Variants in FARS2 observed in about 807,000 individuals in gnomAD.
FARS2 encodes phenylalanyl-tRNA synthetase 2, mitochondrial.
Under a neutral mutation model 46.4 loss-of-function variants are expected in FARS2, and 40 were observed. That is an observed-to-expected ratio of 0.86 (90% CI 0.67 to 1.12). The LOEUF (loss-of-function observed/expected upper bound fraction) is 1.12, where lower values mean the gene tolerates loss of function less well. Among genes scored for constraint, FARS2 ranks in the 50% most tolerant of loss-of-function variants. The pLI, the probability that FARS2 is intolerant of heterozygous loss-of-function variation, is 0.00. For synonymous variants in FARS2, 234 were observed against 214.9 expected (o/e 1.09, Z -0.78); for missense variants, 513 against 567.9 (o/e 0.90, Z 0.98).
intron 2 of FARS2, among the ~76,000 whole-genome samples, chr6:5,384,006 A>G (rs1338868672): frequency 1.3e-5 from 2 of 152,192 alleles, no homozygotes; most frequent in Non-Finnish European, 2.9e-5. Context: ...GAGAGATCAT[A>G]ATTTTAAAGT....
At chr6:5,510,093 A>G (rs563447256) in intron 4 of FARS2, among the ~76,000 whole-genome samples, 1 of 152,268 alleles carries the variant, frequency 6.6e-6, no homozygotes, top group African/African-American at 2.4e-5. Context: ...TAGGACAACC[A>G]AAGGCTGGGG....
intron 5 of FARS2, chr6:5,609,359 C>G (rs1446777849): frequency 1.2e-5 from 15 of 1,246,638 alleles, no homozygotes; most frequent in Non-Finnish European, 1.6e-5. Flanking sequence ...AGTTTCCTCC[C>G]TTCATGGGTC....
chr6:5,405,490 T>TTTTTTTTTTTTA, intron 3 of FARS2, among the ~76,000 whole-genome samples: 1 of 130,182 alleles, frequency 7.7e-6, no homozygotes. Flanking sequence ...CTTTTTTTTT[T>TTTTTTTTTTTTA]TTTTTTTTTT....
intron 1 of FARS2, among the ~76,000 whole-genome samples, chr6:5,319,612 T>C (rs898178871): frequency 6.6e-5 from 10 of 152,236 alleles, no homozygotes; most frequent in African/African-American, 2.4e-4. Flanking sequence ...CTTTACTTCC[T>C]TCTGTTCCTG....
chr6:5,615,249 C>T (rs1775411083), intron 6 of FARS2, among the ~76,000 whole-genome samples: 1 of 152,086 alleles, frequency 6.6e-6, no homozygotes, highest in African/African-American at 2.4e-5. Flanking sequence ...CATAAGTAGG[C>T]TCTCCTTTGT....
At chr6:5,340,249 C>G (rs533229755) in intron 1 of FARS2, among the ~76,000 whole-genome samples, 1 of 152,190 alleles carries the variant, frequency 6.6e-6, no homozygotes, top group Non-Finnish European at 1.5e-5. Flanking sequence ...CATGGCTTTG[C>G]CTCTGTCCAA....
intron 5 of FARS2, among the ~76,000 whole-genome samples, chr6:5,574,373 C>T (rs1772837765): frequency 1.3e-5 from 2 of 152,172 alleles, no homozygotes; most frequent in African/African-American, 4.8e-5. Flanking sequence ...ATCTACCCGC[C>T]TCGGCCTCCC....
intron 4 of FARS2, among the ~76,000 whole-genome samples, chr6:5,491,529 G>A (rs1189904263): frequency 2.6e-5 from 4 of 152,092 alleles, no homozygotes; most frequent in Admixed American, 6.5e-5. Context: ...CACTCAAAAC[G>A]TTTTCCGTAT....
At chr6:5,433,257 TTCCATTATGGGGA>T (rs1763334115) in intron 4 of FARS2, among the ~76,000 whole-genome samples, 1 of 152,078 alleles carries the variant, frequency 6.6e-6, no homozygotes, top group Non-Finnish European at 1.5e-5. Flanking sequence ...ACCCTCAGAG[TTCCATTATGGGGA>T]TAGATTGAGG....
chr6:5,464,946 T>G (rs1765434147), intron 4 of FARS2, among the ~76,000 whole-genome samples: 1 of 152,192 alleles, frequency 6.6e-6, no homozygotes, highest in Non-Finnish European at 1.5e-5. Context: ...AGAGGAGTCG[T>G]GCGGGCTGCA....
chr6:5,757,559 G>A (rs996161989), intron 6 of FARS2, among the ~76,000 whole-genome samples: 2 of 152,174 alleles, frequency 1.3e-5, no homozygotes, highest in African/African-American at 4.8e-5. Flanking sequence ...TTCATCAAGG[G>A]ATCAGCCTTA....
chr6:5,682,987 G>A (rs1031793020), intron 6 of FARS2, among the ~76,000 whole-genome samples: 14 of 152,238 alleles, frequency 9.2e-5, no homozygotes, highest in South Asian at 2.1e-4. Flanking sequence ...AGGCAGAACC[G>A]AGTTTGACAT....
intron 6 of FARS2, among the ~76,000 whole-genome samples, chr6:5,709,326 A>T (rs1324640110): frequency 6.6e-6 from 1 of 152,100 alleles, no homozygotes; most frequent in Admixed American, 6.5e-5. Context: ...CACCTTTTCC[A>T]TCCCAGCTGC....
chr6:5,457,709 G>A (rs1037935310), intron 4 of FARS2, among the ~76,000 whole-genome samples: 2 of 152,168 alleles, frequency 1.3e-5, no homozygotes, highest in African/African-American at 4.8e-5. Context: ...TTGAATTTGA[G>A]AGGTGGAAAT....
chr6:5,331,566 T>C (rs1278655435), intron 1 of FARS2, among the ~76,000 whole-genome samples: 1 of 152,180 alleles, frequency 6.6e-6, no homozygotes, highest in East Asian at 1.9e-4. Context: ...AATAGTGCAA[T>C]AACAAAGGTT....
chr6:5,666,950 T>C (rs1201940351), intron 6 of FARS2, among the ~76,000 whole-genome samples: 4 of 152,170 alleles, frequency 2.6e-5, no homozygotes, highest in Non-Finnish European at 5.9e-5. Flanking sequence ...ACATTATCCT[T>C]AGCAAACTAA....
At chr6:5,611,318 G>T (rs1489770880) in intron 5 of FARS2, among the ~76,000 whole-genome samples, 1 of 152,210 alleles carries the variant, frequency 6.6e-6, no homozygotes. Context: ...AACCCAGTAG[G>T]CTGGGCTGGC....
At chr6:5,676,158 C>T (rs1385614268) in intron 6 of FARS2, among the ~76,000 whole-genome samples, 6 of 152,164 alleles carry the variant, frequency 3.9e-5, no homozygotes, top group Non-Finnish European at 8.8e-5. Flanking sequence ...CATTTATGTA[C>T]GCAAGAAGCT....
At chr6:5,724,829 G>A (rs1760145294) in intron 6 of FARS2, among the ~76,000 whole-genome samples, 1 of 152,166 alleles carries the variant, frequency 6.6e-6, no homozygotes, top group Non-Finnish European at 1.5e-5. Context: ...CCTAATTCAG[G>A]TCTCCACAGT....
Sources: gnomAD v4.1 joint callset for allele counts (sites outside exome capture counted in the v4.1 genomes callset) on GRCh38, gnomAD v4.1.1 for gene constraint, MANE v1.5 for transcripts, NCBI Gene and HGNC (gene_info 2026-07-23, HGNC 2026-07-21) for gene names.